Variants in AAMDC observed in about 807,000 individuals in gnomAD.
AAMDC encodes mth938 domain-containing protein.
A neutral mutation model predicts 15.5 loss-of-function variants in AAMDC; 16 were observed. That is an observed-to-expected ratio of 1.03 (90% confidence interval 0.70 to 1.57). The LOEUF (loss-of-function observed/expected upper bound fraction) is 1.57. AAMDC is among the 40% of genes most tolerant of loss of function. The probability of loss-of-function intolerance (pLI) is 0.00; values close to 1 mark genes in which losing one functional copy is unlikely to be tolerated. For missense variants in AAMDC, 141 were observed against 144.9 expected, an observed-to-expected ratio of 0.97 and a Z score of 0.14; for synonymous variants, 51 against 51.6, an observed-to-expected ratio of 0.99 and a Z score of 0.05.
intron 5 of AAMDC, among the ~76,000 whole-genome samples, chr11:77,887,783 C>T (rs1302001339): frequency 6.6e-6 from 1 of 152,146 alleles, no homozygotes; most frequent in Non-Finnish European, 1.5e-5. Context: ...CAATAACAGA[C>T]AAACAGAGAG....
intron 5 of AAMDC, among the ~76,000 whole-genome samples, chr11:77,892,990 C>A (rs553236955): frequency 6.6e-6 from 1 of 152,298 alleles, no homozygotes; most frequent in South Asian, 2.1e-4. Flanking sequence ...GCTATCATCA[C>A]CCCAGTGACA....
intron 1 of AAMDC, among the ~76,000 whole-genome samples, chr11:77,839,915 T>C (rs536744583): frequency 3.3e-5 from 5 of 152,268 alleles, no homozygotes; most frequent in African/African-American, 9.6e-5. Context: ...CAAACCACCA[T>C]GGCACATGTG....
At chr11:77,844,318 CAT>C (rs1310437601) in intron 2 of AAMDC, among the ~76,000 whole-genome samples, 4 of 152,094 alleles carry the variant, frequency 2.6e-5, no homozygotes, top group African/African-American at 9.7e-5. Context: ...AAAGGACACA[CAT>C]ATTAAGTCCA....
chr11:77,891,975 T>A (rs1308567322), intron 5 of AAMDC: 2 of 1,413,364 alleles, frequency 1.4e-6, no homozygotes, highest in South Asian at 1.4e-5. Context: ...ACGACCAAGA[T>A]AGACTGGTAC....
intron 5 of AAMDC, chr11:77,878,585 T>C: frequency 5.4e-6 from 3 of 554,076 alleles, no homozygotes; most frequent in East Asian, 5.8e-5. Context: ...AATAAGACTA[T>C]AGCTCAAATA....
chr11:77,850,953 CTTTTTTTT>C (rs10644646), intron 2 of AAMDC: 1 of 119,562 alleles, frequency 8.4e-6, no homozygotes, highest in African/African-American at 3.2e-5. Context: ...ACAATAATAT[CTTTTTTTT>C]TTTTTTTTTT....
intron 5 of AAMDC, chr11:77,891,259 A>G (rs1952249626): frequency 1.9e-6 from 3 of 1,547,580 alleles, no homozygotes; most frequent in African/African-American, 2.7e-5. Flanking sequence ...GGGTGCTAAC[A>G]TTAAATACTT....
intron 1 of AAMDC, among the ~76,000 whole-genome samples, chr11:77,839,320 G>A: frequency 6.6e-6 from 1 of 151,930 alleles, no homozygotes; most frequent in Non-Finnish European, 1.5e-5. Context: ...TTGTTTGTTT[G>A]TTTTTGTAGA....
chr11:77,845,792 G>A (rs1168688025), intron 2 of AAMDC, among the ~76,000 whole-genome samples: 1 of 152,058 alleles, frequency 6.6e-6, no homozygotes, highest in Non-Finnish European at 1.5e-5. Context: ...TATTTGGTAA[G>A]ATATTGTTAT....
intron 5 of AAMDC, among the ~76,000 whole-genome samples, chr11:77,892,358 G>A (rs1308765799): frequency 6.6e-6 from 1 of 152,078 alleles, no homozygotes; most frequent in African/African-American, 2.4e-5. Context: ...CCAATTTTGT[G>A]CCTTGTGCCA....
At chr11:77,845,445 G>A (rs1187074067) in intron 2 of AAMDC, among the ~76,000 whole-genome samples, 1 of 98,328 alleles carries the variant, frequency 1.0e-5, no homozygotes, top group East Asian at 2.3e-4. Context: ...TTTTTTTGGT[G>A]GGGGGGATAG....
intron 2 of AAMDC, chr11:77,850,983 T>C: frequency 7.4e-6 from 1 of 134,720 alleles, no homozygotes; most frequent in Non-Finnish European, 1.5e-5. Context: ...TGAGATGGAG[T>C]CTCGCTCTGT....
intron 5 of AAMDC, chr11:77,884,920 A>C: frequency 4.4e-6 from 1 of 229,790 alleles, no homozygotes; most frequent in Non-Finnish European, 9.4e-6. Flanking sequence ...ACGCCAGGTA[A>C]TTTTCTTTTT....
intron 2 of AAMDC, among the ~76,000 whole-genome samples, chr11:77,863,420 C>T (rs1036658467): frequency 6.6e-6 from 1 of 152,080 alleles, no homozygotes; most frequent in Admixed American, 6.5e-5. Context: ...AGTGCAGTTG[C>T]AAGATTTAAG....
chr11:77,904,995 C>CAA (rs1952899744), downstream of AAMDC, among the ~76,000 whole-genome samples: 1 of 152,130 alleles, frequency 6.6e-6, no homozygotes, highest in South Asian at 2.1e-4. Flanking sequence ...TAAGGAATAT[C>CAA]AGAAACCTGG....
At position 77,882,421 on chromosome 11, in the gene AAMDC, C is replaced by T. The variant is rs139801754; in HGVS notation, c.328+5372C>T. The stretch of plus-strand genomic sequence containing the variant: ...AGTCAGACCCTCTCAAGACCTTCCA[C>T]GATCTTTGGAGCTACAGCATACTGT... On this transcript the variant is annotated intron_variant, in intron 5 of 5. Coordinates refer to the AAMDC transcript ENST00000304716. 1.3e-3 allele frequency among the ~76,000 whole-genome samples: 205 copies of T among 152,178 alleles called. 1 individual carries two copies. The highest frequency in any genetic ancestry group is 3.3e-3 in the African/African-American group (136 of 41,512).
chr11:77,896,280 T>C (rs1461199065), intron 5 of AAMDC, among the ~76,000 whole-genome samples: 3 of 151,712 alleles, frequency 2.0e-5, no homozygotes, highest in African/African-American at 7.3e-5. Flanking sequence ...CACATAATAA[T>C]GAAATCAAAC....
intron 5 of AAMDC, among the ~76,000 whole-genome samples, chr11:77,886,131 A>C (rs1234313571): frequency 6.6e-6 from 1 of 152,050 alleles, no homozygotes; most frequent in African/African-American, 2.4e-5. Context: ...CCTTGGACAC[A>C]GAAGTTTGAG....
intron 5 of AAMDC, chr11:77,883,914 G>A (rs1309505746): frequency 1.2e-6 from 2 of 1,613,064 alleles, no homozygotes; most frequent in Admixed American, 1.7e-5. Flanking sequence ...CTGCAGGCTT[G>A]GGGTGAATCA....
Sources: allele counts gnomAD v4.1 joint callset (sites outside exome capture counted in the v4.1 genomes callset), GRCh38; gene constraint gnomAD v4.1.1; transcripts MANE v1.5; gene names NCBI Gene and HGNC (gene_info 2026-07-23, HGNC 2026-07-21).